INSL6: variants seen among roughly 807,000 people sequenced by gnomAD.
INSL6 encodes the protein insulin like 6, also known as insulin-like peptide INSL6.
In INSL6, 16 loss-of-function variants were observed where a neutral mutation model predicts 9.4. That is an observed-to-expected ratio of 1.70 (90% CI 1.15 to 2.59). The LOEUF (loss-of-function observed/expected upper bound fraction) is 2.59, where lower values mean the gene tolerates loss of function less well. INSL6 is among the 30% of genes most tolerant of loss of function. INSL6 has a pLI of 0.00. For synonymous variants in INSL6, 154 were observed against 96.9 expected, an observed-to-expected ratio of 1.59 and a Z score of -3.46; for missense variants, 391 against 257.3, an observed-to-expected ratio of 1.52 and a Z score of -3.56.
chr9:5,026,154 G>A, the INSL6 span, among the ~76,000 whole-genome samples: 1 of 152,100 alleles, frequency 6.6e-6, no homozygotes. Flanking sequence ...TATTGAGTTA[G>A]ATACTTAGAT....
At chr9:5,153,002 C>A (rs1353865144) in intron 2 of INSL6, among the ~76,000 whole-genome samples, 1 of 152,192 alleles carries the variant, frequency 6.6e-6, no homozygotes, top group East Asian at 1.9e-4. Flanking sequence ...ACCCTGCACT[C>A]CAGCCCAGAT....
chr9:5,126,821 T>A (rs777581645), intron 3 of INSL6: 1 of 1,375,070 alleles, frequency 7.3e-7, no homozygotes, highest in East Asian at 2.3e-5. Flanking sequence ...GAGACCAAAG[T>A]AGATTTACAG....
chr9:5,155,770 G>C lies in INSL6; in HGVS notation c.376+8409C>G, dbSNP rs531200908. On this transcript the variant is annotated intron_variant, in intron 2 of 3. Coordinates refer to the INSL6 transcript ENST00000649639. ...AACATCACACACCGGGGCCTGTTTG[G>C]GGGTGGGGGGATAGGGGAGGGATTG... is the stretch of plus-strand genomic sequence containing the variant. Among the ~76,000 whole-genome samples the C allele has an allele frequency of 3.3e-5, 5 of 151,734 alleles. No homozygotes were observed. In the East Asian group the frequency reaches 9.8e-4, roughly 30 times the overall value.
intron 1 of INSL6, among the ~76,000 whole-genome samples, chr9:5,178,452 C>A (rs141535170): frequency 1.3e-5 from 2 of 152,234 alleles, no homozygotes; most frequent in African/African-American, 4.8e-5. Flanking sequence ...TGATCCATTA[C>A]TCTTCACTGG....
the INSL6 span, among the ~76,000 whole-genome samples, chr9:5,078,979 A>G: frequency 6.6e-6 from 1 of 152,226 alleles, no homozygotes; most frequent in Non-Finnish European, 1.5e-5. Context: ...TTGGGTCTAG[A>G]TAATTATAAC....
At chr9:5,058,585 G>A in the INSL6 span, among the ~76,000 whole-genome samples, 1 of 152,146 alleles carries the variant, frequency 6.6e-6, no homozygotes, top group African/African-American at 2.4e-5. Flanking sequence ...TAGAATTGCT[G>A]GATCATATGG....
the INSL6 span, among the ~76,000 whole-genome samples, chr9:5,039,407 A>G: frequency 6.6e-6 from 1 of 152,142 alleles, no homozygotes; most frequent in Non-Finnish European, 1.5e-5. Flanking sequence ...TAAATAGTCT[A>G]GAGATTTTAA....
intron 1 of INSL6, among the ~76,000 whole-genome samples, chr9:5,170,345 C>G (rs1004142072): frequency 1.2e-4 from 18 of 152,122 alleles, no homozygotes; most frequent in African/African-American, 4.1e-4. Flanking sequence ...TGGGACATAG[C>G]TAAAGCAGTC....
the INSL6 span, chr9:5,029,724 C>T: frequency 1.4e-6 from 2 of 1,409,810 alleles, no homozygotes; most frequent in Non-Finnish European, 1.9e-6. Flanking sequence ...ATTATAGGTG[C>T]TATGTAAAAA....
At chr9:5,027,468 T>C in the INSL6 span, among the ~76,000 whole-genome samples, 1 of 152,192 alleles carries the variant, frequency 6.6e-6, no homozygotes, top group Admixed American at 6.5e-5. Context: ...GAGTCTTGCC[T>C]TGATGTTGAT....
At chr9:5,021,154 G>A in the INSL6 span, among the ~76,000 whole-genome samples, 1 of 152,128 alleles carries the variant, frequency 6.6e-6, no homozygotes, top group East Asian at 1.9e-4. Flanking sequence ...GCTGATCCTG[G>A]CTGAGCAGGC....
chr9:5,158,092 C>T (rs528356216), intron 2 of INSL6, among the ~76,000 whole-genome samples: 1 of 152,080 alleles, frequency 6.6e-6, no homozygotes, highest in African/African-American at 2.4e-5. Flanking sequence ...CAGACTTGAT[C>T]AAGCAGAAGA....
At chr9:5,064,552 A>G in the INSL6 span, among the ~76,000 whole-genome samples, 1 of 152,028 alleles carries the variant, frequency 6.6e-6, no homozygotes, top group African/African-American at 2.4e-5. Context: ...AAAAAAGGAA[A>G]TGCTCATGAT....
the INSL6 span, chr9:5,097,968 C>T: frequency 1.2e-4 from 18 of 152,118 alleles, no homozygotes; most frequent in South Asian, 4.1e-4. Flanking sequence ...TCCGGTATGC[C>T]GCAACGTTAT....
the INSL6 span, among the ~76,000 whole-genome samples, chr9:5,038,248 A>G: frequency 6.7e-6 from 1 of 150,310 alleles, no homozygotes; most frequent in South Asian, 2.1e-4. Flanking sequence ...CTGCTAAAAG[A>G]AAGAACAGAA....
the INSL6 span, among the ~76,000 whole-genome samples, chr9:5,010,381 TA>T: frequency 0.34 from 51,087 of 151,708 alleles, 9,300 homozygotes; most frequent in African/African-American, 0.48. Flanking sequence ...TGGAGTGCAG[TA>T]AACATGACCT....
At chr9:5,162,050 G>C (rs1445103836), downstream of INSL6, among the ~76,000 whole-genome samples, 1 of 151,688 alleles carries the variant, frequency 6.6e-6, no homozygotes, top group Non-Finnish European at 1.5e-5. Context: ...CTGCATTCTA[G>C]CCTAGGCAAC....
chr9:5,114,214 C>T, the INSL6 span: 3 of 510,548 alleles, frequency 5.9e-6, no homozygotes, highest in African/African-American at 5.7e-5. Flanking sequence ...CGGTCCAGCC[C>T]CTTCTACCTG....
chr9:5,110,154 C>G, the INSL6 span: 1 of 152,222 alleles, frequency 6.6e-6, no homozygotes, highest in African/African-American at 2.4e-5. Flanking sequence ...CGGCCTCCAT[C>G]CCTGACTTCC....
Sources: allele counts gnomAD v4.1 joint callset (sites outside exome capture counted in the v4.1 genomes callset), GRCh38; gene constraint gnomAD v4.1.1; transcripts MANE v1.5; gene names NCBI Gene and HGNC (gene_info 2026-07-23, HGNC 2026-07-21).